The following TPRG1L variants were observed in gnomAD, a reference collection of about 807,000 sequenced individuals.
The protein encoded by TPRG1L is tumor protein p63 regulated 1 like.
A neutral mutation model predicts 29.4 loss-of-function variants in TPRG1L; 25 were observed. The observed-to-expected ratio is 0.85, with a 90% CI of 0.62 to 1.19. TPRG1L has a LOEUF of 1.19. Among genes scored for constraint, TPRG1L ranks in the 50% most tolerant of loss-of-function variants. The pLI is 0.00. For synonymous variants in TPRG1L, 182 were observed against 151.1 expected (o/e 1.20, Z -1.50); for missense variants, 354 against 364.4 (o/e 0.97, Z 0.23).
chr1:3,626,494 A>G (rs375651250), intron 3 of TPRG1L, among the ~76,000 whole-genome samples: 32 of 152,074 alleles, frequency 2.1e-4, no homozygotes, highest in Middle Eastern at 3.4e-3. Flanking sequence ...TAAAAATTTT[A>G]CCTTTTGGTT....
rs1644474784 is a variant in TPRG1L at position 3,625,254 on chromosome 1, A to G, written c.182A>G (p.Lys61Arg). 1.0e-5 allele frequency: 14 copies of G among 1,371,840 alleles called. No individual in the cohort carries two copies. The highest frequency in any genetic ancestry group is 1.3e-5 in the Non-Finnish European group (14 of 1,069,576). 85.0% of individuals were successfully genotyped at this position (1,371,840 alleles called of 1,614,324 possible). A position where few individuals can be genotyped will look rare whatever the true frequency, so the allele number is the denominator to read the frequency against. ...GACCCCACGCGCCGCGCCCGCGTCA[A>G]GGAGTACTTCGTGTTCCGGGTGAGG... Reference protein sequence around the residue: ...IHDPTRRARVKEYFVFRPGSI... With the variant: ...IHDPTRRARVREYFVFRPGSI... The change falls in exon 1 of 5, where the codon AAG becomes AGG. Residue 61 changes from lysine to arginine, a missense_variant. Physicochemically the swap from Lys to Arg is conservative, Grantham distance 26. Transcript: ENST00000378344.
rs1381773201 is a variant in TPRG1L, at chr1:3,628,913, A to G, written c.*310A>G. ...TTCAGTTCTGGTGTTTTCCTTGAGT[A>G]TCTACTTGGCTTCTCGTGGTTTTTC... On this transcript the variant is annotated 3_prime_UTR_variant, in exon 5 of 5. Transcript: ENST00000378344. The G allele has an allele frequency of 8.1e-6, 2 of 247,308 alleles. No homozygotes were observed. The highest frequency in any genetic ancestry group is 4.4e-5 in the African/African-American group (2 of 45,176). 15.3% of individuals were successfully genotyped at this position (247,308 alleles called of 1,614,324 possible). A position where few individuals can be genotyped will look rare whatever the true frequency, so the allele number is the denominator to read the frequency against.
At chr1:3,627,473 G>A (rs1644498009) in intron 3 of TPRG1L, 27 bp from the exon 4 acceptor site, 1 of 1,612,938 alleles carries the variant, frequency 6.2e-7, no homozygotes, top group Non-Finnish European at 8.5e-7. Flanking sequence ...GCCATGCTAA[G>A]TCTGGCTATT....
rs1644472317 is a variant in TPRG1L at position 3,625,041 on chromosome 1, C to CGTCAGG, written c.-28_-23dup. 3 of 1,193,520 alleles carry CGTCAGG rather than the reference C, an allele frequency of 2.5e-6. No individual in the cohort carries two copies. The highest frequency in any genetic ancestry group is 4.6e-5 in the Admixed American group (1 of 21,776). 73.9% of individuals were successfully genotyped at this position (1,193,520 alleles called of 1,614,324 possible). On this transcript the variant is annotated 5_prime_UTR_variant, in exon 1 of 5. Transcript: ENST00000378344. The stretch of plus-strand genomic sequence containing the variant: ...GCTGCGGCGACGGCGGTCGCGTCGG[C>CGTCAGG]GTCAGGGTCGGGGTCGGTAAGGGGT...
chr1:3,628,347 C>A, intron 4 of TPRG1L, 62 bp from the exon 5 acceptor site: 1 of 1,424,974 alleles, frequency 7.0e-7, no homozygotes, highest in Non-Finnish European at 9.6e-7. Flanking sequence ...CTAATTTTTT[C>A]AAGTAATAGA....
At position 3,627,628 on chromosome 1, in the gene TPRG1L, A is replaced by T. The variant is rs1308003620; in HGVS notation, c.599A>T (p.Asp200Val). The change falls in exon 4 of 5, where the codon GAT becomes GTT. Residue 200 changes from aspartate to valine, a missense_variant. Transcript: ENST00000378344. Reference sequence around the variant, plus strand: ...ACAGAACACCCGATGGCTGGCGCAGATGAGAAGACAGCATCTCTGTGTCAG... The same window carrying T: ...ACAGAACACCCGATGGCTGGCGCAGTTGAGAAGACAGCATCTCTGTGTCAG... The part of the protein sequence containing the change: ...TFTEHPMAGA[D>V]EKTASLCQLE... The T allele has an allele frequency of 1.2e-6, 2 of 1,613,978 alleles. No homozygotes were observed. Among genetic ancestry groups the T allele is most frequent in the East Asian group, 4.5e-5 (2 of 44,876 alleles).
chr1:3,625,636 C>T (rs1179485452), intron 2 of TPRG1L, 77 bp from the exon 3 acceptor site: 1 of 1,570,820 alleles, frequency 6.4e-7, no homozygotes, highest in Non-Finnish European at 8.6e-7. Flanking sequence ...CCCCTGCTGC[C>T]CTTCCAGGCG....
Position 3,628,521 on chromosome 1 carries a change from A to AGACCTAC in TPRG1L, c.739_745dup (p.Val249AspfsTer10). On this transcript the variant is annotated frameshift_variant, in exon 5 of 5. Coordinates refer to ENST00000378344, the MANE Select transcript of TPRG1L (RefSeq NM_182752.4). LOFTEE classifies it high-confidence loss of function. ...ATCCTGGAGCGCCCCCTGCTCATCG[A>AGACCTAC]GACCTACGTGGGACTCATGTCCTTC... is the stretch of plus-strand genomic sequence containing the variant. 1 of 1,614,116 alleles carries AGACCTAC rather than the reference A, an allele frequency of 6.2e-7. No individual in the cohort carries two copies.
At position 3,627,501 on chromosome 1, in the gene TPRG1L, C is replaced by G. The variant is rs370133742; in HGVS notation, c.472C>G (p.Arg158Gly). The G allele has an allele frequency of 6.2e-7, 1 of 1,613,844 alleles. No homozygotes were observed. Among genetic ancestry groups the G allele is most frequent in the East Asian group, 2.2e-5 (1 of 44,876 alleles). The change falls in exon 4 of 5, where the codon CGA becomes GGA. Residue 158 changes from arginine to glycine, a missense_variant and splice_region_variant. Physicochemically the swap from Arg to Gly is moderately radical, Grantham distance 125 (BLOSUM62 -2). Transcript: ENST00000378344. The stretch of plus-strand genomic sequence containing the variant: ...TGGCTATTTCTTCTGACTTTTCAGG[C>G]GAGAAGGTTTTGGGATTCGAATTCA... ...FQFPPKSLNK[R>G]EGFGIRIQWD... is the part of the protein sequence containing the mutation.
Position 3,628,570 on chromosome 1 carries a change from C to T in TPRG1L, c.786C>T (p.Gly262=). ...TCATTAACAACGAGGCGAAACTGGG[C>T]TACTCCATGACCAGGGGCAAAATAG... The part of the protein sequence containing the change: ...MSFINNEAKL[G]YSMTRGKIGF The change falls in exon 5 of 5, where the codon GGC becomes GGT. Residue 262 remains glycine, a synonymous_variant. Coordinates refer to ENST00000378344, the MANE Select transcript of TPRG1L (RefSeq NM_182752.4). 1 of 1,611,814 alleles carries T rather than the reference C, an allele frequency of 6.2e-7. No homozygotes were observed. Among genetic ancestry groups the T allele is most frequent in the Middle Eastern group, 1.7e-4 (1 of 6,038 alleles).
chr1:3,626,113 C>T (rs1381543245), intron 3 of TPRG1L, among the ~76,000 whole-genome samples: 1 of 152,216 alleles, frequency 6.6e-6, no homozygotes, highest in Non-Finnish European at 1.5e-5. Context: ...AGCTATTAGG[C>T]TGGTAGTAAA....
At position 3,625,038 on chromosome 1, in the gene TPRG1L, C is replaced by T. The variant is rs865863085; in HGVS notation, c.-35C>T. ...GTGGCTGCGGCGACGGCGGTCGCGT[C>T]GGCGTCAGGGTCGGGGTCGGTAAGG... On this transcript the variant is annotated 5_prime_UTR_variant, in exon 1 of 5. Transcript: ENST00000378344. 3.1e-5 allele frequency: 37 copies of T among 1,191,980 alleles called. No individual in the cohort carries two copies. In the Middle Eastern group the frequency reaches 1.7e-3, roughly 54 times the overall value. 73.8% of individuals were successfully genotyped at this position (1,191,980 alleles called of 1,614,324 possible).
Position 3,628,107 on chromosome 1 carries a change from C to A in TPRG1L, c.625-302C>A, listed in dbSNP as rs111999553. Among the ~76,000 whole-genome samples the A allele has an allele frequency of 3.5e-4, 54 of 152,322 alleles. 3 individuals are homozygous for A. The East Asian group carries it at 7.0e-3, about 20-fold the overall frequency. On this transcript the variant is annotated intron_variant, in intron 4 of 4. Transcript: ENST00000378344. ...CTGTGTGCCTCGGCCTGGTTACTGA[C>A]CTGGTAGGTTGGGTGACGGCAAAGC...
Position 3,627,568 on chromosome 1 carries a change from A to C in TPRG1L, c.539A>C (p.Asn180Thr), listed in dbSNP as rs774687233. 2 of 1,614,080 alleles carry C rather than the reference A, an allele frequency of 1.2e-6. No homozygotes were observed. Among genetic ancestry groups the C allele is most frequent in the Non-Finnish European group, 1.7e-6 (2 of 1,180,024 alleles). The change falls in exon 4 of 5, where the codon AAT becomes ACT. Residue 180 changes from asparagine (N) to threonine (T), a missense_variant. Asn to Thr is a moderately conservative substitution (Grantham distance 65, BLOSUM62 0). Coordinates refer to ENST00000378344, the MANE Select transcript of TPRG1L (RefSeq NM_182752.4). ...CGTCCTTCCTTCATAAACAGATGGA[A>C]TCCCTGGTCTACCAACGTGCCCTAT... ...QSRPSFINRW[N>T]PWSTNVPYAT...
At chr1:3,626,464 G>A (rs549001442) in intron 3 of TPRG1L, among the ~76,000 whole-genome samples, 2 of 152,250 alleles carry the variant, frequency 1.3e-5, no homozygotes, top group African/African-American at 2.4e-5. Flanking sequence ...GATTTGGATG[G>A]GGGATTCAGG....
rs1644499060 is a variant in TPRG1L at position 3,627,637 on chromosome 1, C to T, written c.608C>T (p.Thr203Ile). The T allele has an allele frequency of 1.2e-6, 2 of 1,613,742 alleles. No homozygotes were observed. Among genetic ancestry groups the T allele is most frequent in the South Asian group, 1.1e-5 (1 of 91,078 alleles). ...EHPMAGADEK[T>I]ASLCQLESFK... The stretch of plus-strand genomic sequence containing the variant: ...CCGATGGCTGGCGCAGATGAGAAGA[C>T]AGCATCTCTGTGTCAGGTAAGAAGA... The change falls in exon 4 of 5, where the codon ACA becomes ATA. Residue 203 changes from threonine (T) to isoleucine (I), a missense_variant. Transcript: ENST00000378344.
intron 3 of TPRG1L, 127 bp from the exon 4 acceptor site, chr1:3,627,373 C>T (rs774673885): frequency 7.4e-5 from 75 of 1,009,034 alleles, no homozygotes; most frequent in Non-Finnish European, 9.4e-5. Flanking sequence ...TGTGATATGT[C>T]ATAGGTCTTT....
chr1:3,625,357 G>C (rs1306953203), intron 1 of TPRG1L, 67 bp from the exon 2 acceptor site: 6 of 1,537,536 alleles, frequency 3.9e-6, no homozygotes, highest in Non-Finnish European at 5.3e-6. Context: ...GGCGCCGGGC[G>C]GTCCCGCAGG....
rs144560440 is a variant in TPRG1L, at chr1:3,625,850, C to T, written c.431C>T (p.Ser144Phe). 2.7e-5 allele frequency: 44 copies of T among 1,613,044 alleles called. No individual in the cohort carries two copies. In the Admixed American group the frequency reaches 4.3e-4, roughly 16 times the overall value. ...RIALNAVDTI[S>F]YGEFQFPPKS... ...GCGCTCAACGCAGTAGACACCATTT[C>T]CTACGGAGAATTCCAGTTTCCCCCT... The change falls in exon 3 of 5, where the codon TCC becomes TTC. Residue 144 changes from serine to phenylalanine, a missense_variant. By Grantham distance (155) the Ser-to-Phe change is radical. Coordinates refer to ENST00000378344, the MANE Select transcript of TPRG1L (RefSeq NM_182752.4).
Sources: gnomAD v4.1 joint callset for allele counts (sites outside exome capture counted in the v4.1 genomes callset) on GRCh38, gnomAD v4.1.1 for gene constraint, MANE v1.5 for transcripts, NCBI Gene and HGNC (gene_info 2026-07-23, HGNC 2026-07-21) for gene names.